ANKS1B: variants seen among roughly 807,000 people sequenced by gnomAD.
ANKS1B encodes ankyrin repeat and sterile alpha motif domain-containing protein 1B.
A neutral mutation model predicts 148.3 loss-of-function variants in ANKS1B; 36 were observed. The ratio of observed to expected loss-of-function variants is 0.24; its 90% CI spans 0.19 to 0.32. The LOEUF is 0.32. Ranked by LOEUF, ANKS1B falls within the 10% of genes least tolerant of loss-of-function variation. The probability of loss-of-function intolerance (pLI) is 1.00; values close to 1 mark genes in which losing one functional copy is unlikely to be tolerated. For synonymous variants in ANKS1B, 542 were observed against 560.8 expected (o/e 0.97, Z 0.47); for missense variants, 1,157 against 1,542.6 (o/e 0.75, Z 4.19).
chr12:98,813,009 C>T (rs980163242), intron 19 of ANKS1B, among the ~76,000 whole-genome samples: 3 of 152,050 alleles, frequency 2.0e-5, no homozygotes, highest in Non-Finnish European at 4.4e-5. Context: ...GACATAGGGT[C>T]ATTATACTGA....
At chr12:99,509,117 G>T (rs1000645398) in intron 9 of ANKS1B, among the ~76,000 whole-genome samples, 2 of 151,822 alleles carry the variant, frequency 1.3e-5, no homozygotes, top group Non-Finnish European at 2.9e-5. Context: ...TAATGCATAA[G>T]TGTAGTATGT....
chr12:99,324,550 A>G (rs2085936807), intron 12 of ANKS1B, among the ~76,000 whole-genome samples: 1 of 152,162 alleles, frequency 6.6e-6, no homozygotes, highest in South Asian at 2.1e-4. Flanking sequence ...AATAGAGTCT[A>G]TATTAGGCTG....
At chr12:99,540,732 T>G (rs905307896) in intron 9 of ANKS1B, among the ~76,000 whole-genome samples, 3 of 151,798 alleles carry the variant, frequency 2.0e-5, no homozygotes, top group African/African-American at 7.3e-5. Context: ...CCTTTAGTAT[T>G]AAGAAACTAG....
At chr12:98,821,282 A>G (rs1374666679) in intron 19 of ANKS1B, among the ~76,000 whole-genome samples, 1 of 152,270 alleles carries the variant, frequency 6.6e-6, no homozygotes, top group Non-Finnish European at 1.5e-5. Flanking sequence ...ATTTTCCATC[A>G]GACAATCTCA....
intron 1 of ANKS1B, among the ~76,000 whole-genome samples, chr12:99,862,534 T>C (rs1389256462): frequency 2.0e-5 from 3 of 152,246 alleles, no homozygotes; most frequent in Non-Finnish European, 4.4e-5. Flanking sequence ...AAATATGTTC[T>C]TAAAAGGGTA....
At chr12:99,408,403 A>C (rs1296095539) in intron 11 of ANKS1B, among the ~76,000 whole-genome samples, 2 of 146,080 alleles carry the variant, frequency 1.4e-5, no homozygotes, top group African/African-American at 5.2e-5. Context: ...TACTAAAAGA[A>C]AGCATCAGGG....
chr12:99,753,461 C>T (rs946865514), intron 8 of ANKS1B, among the ~76,000 whole-genome samples: 1 of 152,038 alleles, frequency 6.6e-6, no homozygotes, highest in Non-Finnish European at 1.5e-5. Flanking sequence ...GAAGGGGCCA[C>T]GATAATTTAG....
At chr12:99,505,205 A>G (rs1222123706) in intron 9 of ANKS1B, among the ~76,000 whole-genome samples, 8 of 152,128 alleles carry the variant, frequency 5.3e-5, no homozygotes, top group African/African-American at 1.9e-4. Context: ...CTTCAGATCA[A>G]AAAGGTAACA....
At chr12:99,320,872 G>A (rs889902132) in intron 12 of ANKS1B, among the ~76,000 whole-genome samples, 3 of 152,154 alleles carry the variant, frequency 2.0e-5, no homozygotes, top group Non-Finnish European at 4.4e-5. Context: ...TGTGCAGATG[G>A]GGTTTTGGTG....
At chr12:99,914,220 G>A (rs547525296) in intron 1 of ANKS1B, among the ~76,000 whole-genome samples, 18 of 152,318 alleles carry the variant, frequency 1.2e-4, no homozygotes, top group African/African-American at 4.1e-4. Flanking sequence ...CCTTCAGAAT[G>A]AGATTCTGGA....
intron 10 of ANKS1B, among the ~76,000 whole-genome samples, chr12:99,488,773 A>G (rs1403469393): frequency 1.3e-5 from 2 of 152,152 alleles, no homozygotes; most frequent in Non-Finnish European, 2.9e-5. Context: ...GTTGAGCATC[A>G]AGATATTTTC....
chr12:99,681,895 C>T (rs995780405), intron 8 of ANKS1B, among the ~76,000 whole-genome samples: 1 of 152,142 alleles, frequency 6.6e-6, no homozygotes, highest in South Asian at 2.1e-4. Flanking sequence ...TAAGGACTCA[C>T]ATAAACTTAA....
chr12:99,929,676 A>C (rs1490266178), intron 1 of ANKS1B, among the ~76,000 whole-genome samples: 1 of 152,172 alleles, frequency 6.6e-6, no homozygotes, highest in African/African-American at 2.4e-5. Context: ...ATTTTTGTAT[A>C]AGGTGTAAGG....
chr12:99,535,461 A>G (rs2153103537), intron 9 of ANKS1B, among the ~76,000 whole-genome samples: 1 of 152,350 alleles, frequency 6.6e-6, no homozygotes, highest in South Asian at 2.1e-4. Context: ...CCATTAGAAG[A>G]ATCTTTGAAC....
intron 1 of ANKS1B, among the ~76,000 whole-genome samples, chr12:99,880,149 T>C (rs1004415039): frequency 1.4e-4 from 22 of 152,220 alleles, no homozygotes; most frequent in African/African-American, 5.1e-4. Context: ...ATTCAATATA[T>C]ACAAACTACT....
chr12:99,280,103 A>C (rs1207250807), intron 12 of ANKS1B, among the ~76,000 whole-genome samples: 1 of 152,138 alleles, frequency 6.6e-6, no homozygotes, highest in Admixed American at 6.5e-5. Context: ...AAATATCAAA[A>C]ATTCATACAT....
chr12:99,048,971 A>T (rs1188996967), intron 17 of ANKS1B: 1 of 152,258 alleles, frequency 6.6e-6, no homozygotes, highest in Non-Finnish European at 1.5e-5. Flanking sequence ...GTATATAGGT[A>T]TAAATGCAAT....
Position 99,854,217 on chromosome 12 carries a change from T to C in ANKS1B, c.135-28828A>G, listed in dbSNP as rs539554834. 8.5e-5 allele frequency among the ~76,000 whole-genome samples: 13 copies of C among 152,252 alleles called. 1 individual carries two copies. In the South Asian group the frequency reaches 1.4e-3, roughly 17 times the overall value. ...TTAGTAGAGACGGGGTTTCACTGTG[T>C]TAGCCAGGATGGCCTCGATCTCCTG... On this transcript the variant is annotated intron_variant, in intron 1 of 26. Coordinates refer to ENST00000683438, the MANE Select transcript of ANKS1B (RefSeq NM_001352186.2).
chr12:99,334,942 T>G (rs1480113173), intron 12 of ANKS1B, among the ~76,000 whole-genome samples: 2 of 152,056 alleles, frequency 1.3e-5, no homozygotes, highest in Non-Finnish European at 2.9e-5. Context: ...AGATCTCTAT[T>G]GAAGAAATCT....
Sources: gnomAD v4.1 joint callset for allele counts (sites outside exome capture counted in the v4.1 genomes callset) on GRCh38, gnomAD v4.1.1 for gene constraint, MANE v1.5 for transcripts, NCBI Gene and HGNC (gene_info 2026-07-23, HGNC 2026-07-21) for gene names.